LDB3: variants seen among roughly 807,000 people sequenced by gnomAD.
LDB3 encodes the protein LIM domain binding 3.
A neutral mutation model predicts 69.0 loss-of-function variants in LDB3; 49 were observed. The observed-to-expected ratio is 0.71, with a 90% CI of 0.56 to 0.90. The LOEUF is 0.90. Ranked by LOEUF, LDB3 falls within the 40% of genes least tolerant of loss-of-function variation. The probability of loss-of-function intolerance (pLI) is 0.00; values close to 1 mark genes in which losing one functional copy is unlikely to be tolerated. For missense variants in LDB3, 928 were observed against 974.1 expected, an observed-to-expected ratio of 0.95 and a Z score of 0.63; for synonymous variants, 387 against 396.2, an observed-to-expected ratio of 0.98 and a Z score of 0.28.
chr10:86,710,706 T>C (rs1846615522), intron 9 of LDB3, among the ~76,000 whole-genome samples: 1 of 152,226 alleles, frequency 6.6e-6, no homozygotes, highest in Admixed American at 6.5e-5. Flanking sequence ...GGAAGTTTTC[T>C]CTGCCGCTGG....
chr10:86,722,803 G>A (rs934216846), intron 12 of LDB3, among the ~76,000 whole-genome samples: 12 of 150,612 alleles, frequency 8.0e-5, no homozygotes, highest in African/African-American at 2.2e-4. Flanking sequence ...TCCTGACCTC[G>A]TGATCTACCT....
At chr10:86,709,670 C>G (rs1234249136) in intron 8 of LDB3, among the ~76,000 whole-genome samples, 1 of 152,212 alleles carries the variant, frequency 6.6e-6, no homozygotes, top group Non-Finnish European at 1.5e-5. Context: ...CCGGTGTCCT[C>G]CTGGTGGCTT....
chr10:86,692,153 A>T, intron 6 of LDB3, 88 bp downstream of exon 6: 1 of 1,470,984 alleles, frequency 6.8e-7, no homozygotes. Context: ...GAAGCCAGGG[A>T]GTCCTGCTAC....
intron 12 of LDB3, 62 bp downstream of exon 12, chr10:86,718,909 G>A: frequency 1.2e-6 from 2 of 1,604,868 alleles, no homozygotes; most frequent in Non-Finnish European, 1.7e-6. Flanking sequence ...GGCAGGCACA[G>A]GGAACTAACT....
At chr10:86,718,672 A>G (rs1846963940) in intron 11 of LDB3, 55 bp from the exon 12 acceptor site, 4 of 1,612,992 alleles carry the variant, frequency 2.5e-6, no homozygotes, top group African/African-American at 1.3e-5. Flanking sequence ...CTGGTGGGGT[A>G]GTCAAGCCCG....
chr10:86,723,425 C>T (rs148585893), intron 12 of LDB3, among the ~76,000 whole-genome samples: 5 of 152,144 alleles, frequency 3.3e-5, no homozygotes, highest in Non-Finnish European at 5.9e-5. Flanking sequence ...TGAAGGACAG[C>T]CTAGCACAAA....
chr10:86,717,313 A>T (rs1335385461), intron 10 of LDB3, among the ~76,000 whole-genome samples: 1 of 152,238 alleles, frequency 6.6e-6, no homozygotes, highest in Non-Finnish European at 1.5e-5. Context: ...ATATACGTGA[A>T]AAATACACTT....
At chr10:86,671,601 G>A (rs1036367601) in intron 2 of LDB3, among the ~76,000 whole-genome samples, 1 of 152,222 alleles carries the variant, frequency 6.6e-6, no homozygotes, top group African/African-American at 2.4e-5. Flanking sequence ...TCCAGGAAGT[G>A]GAGAAGGGGG....
At chr10:86,680,558 G>T (rs1845058952) in intron 4 of LDB3, among the ~76,000 whole-genome samples, 1 of 152,216 alleles carries the variant, frequency 6.6e-6, no homozygotes, top group African/African-American at 2.4e-5. Context: ...GGCCCAGCTT[G>T]ACGAGGACCT....
intron 5 of LDB3, among the ~76,000 whole-genome samples, chr10:86,685,341 G>A (rs1047126167): frequency 6.6e-5 from 10 of 152,186 alleles, no homozygotes; most frequent in African/African-American, 2.4e-4. Context: ...CCACTCTGGG[G>A]TCTATAGCCA....
chr10:86,720,386 G>A (rs1392015029), intron 12 of LDB3, among the ~76,000 whole-genome samples: 3 of 151,982 alleles, frequency 2.0e-5, no homozygotes, highest in Non-Finnish European at 4.4e-5. Flanking sequence ...AGAGGTTGCA[G>A]TGAGCTGAGA....
intron 6 of LDB3, 144 bp downstream of exon 6, chr10:86,692,209 C>A: frequency 1.0e-6 from 1 of 988,732 alleles, no homozygotes; most frequent in South Asian, 1.6e-5. Flanking sequence ...CAGTGGCTGG[C>A]AGGGCTCCTT....
At chr10:86,674,877 C>T (rs1188275489) in intron 2 of LDB3, among the ~76,000 whole-genome samples, 1 of 152,200 alleles carries the variant, frequency 6.6e-6, no homozygotes, top group Non-Finnish European at 1.5e-5. Context: ...CTCCAACCCA[C>T]CCAGGCAGGC....
intron 4 of LDB3, 132 bp downstream of exon 4, chr10:86,680,289 C>T: frequency 1.3e-6 from 1 of 783,154 alleles, no homozygotes; most frequent in Non-Finnish European, 2.2e-6. Flanking sequence ...CATCCCTGCC[C>T]CTGCTGCAGC....
In LDB3 at chr10:86,699,890, A is replaced by G. The variant is rs1846185933; in HGVS notation, c.897-6641A>G. ...CCGGAATAGGGCTCTTTGAAGAGGA[A>G]GTAGAAGCCCCAGGGTAATGAGGCA... is the stretch of plus-strand genomic sequence containing the variant. On this transcript the variant is annotated intron_variant, in intron 7 of 13. Coordinates refer to ENST00000361373, the MANE Select transcript of LDB3 (RefSeq NM_007078.3). The surrounding 1 kb of genome is among the most constrained non-coding windows in gnomAD (Gnocchi z 4.9). 1 of 1,010,928 alleles carries G rather than the reference A, an allele frequency of 9.9e-7. No individual in the cohort carries two copies. Among genetic ancestry groups the G allele is most frequent in the Non-Finnish European group, 1.2e-6 (1 of 844,392 alleles). 62.6% of individuals were successfully genotyped at this position (1,010,928 alleles called of 1,614,324 possible). A position where few individuals can be genotyped will look rare whatever the true frequency, so the allele number is the denominator to read the frequency against.
At chr10:86,730,751 C>G (rs1001645541) in intron 13 of LDB3, among the ~76,000 whole-genome samples, 1 of 152,220 alleles carries the variant, frequency 6.6e-6, no homozygotes, top group African/African-American at 2.4e-5. Context: ...TATAGAGTGT[C>G]TGGCATCCTG....
chr10:86,713,960 G>T (rs1273112838), intron 9 of LDB3, among the ~76,000 whole-genome samples: 1 of 152,118 alleles, frequency 6.6e-6, no homozygotes, highest in Non-Finnish European at 1.5e-5. Flanking sequence ...GTCTAACTGG[G>T]CTGGGCTTCC....
intron 13 of LDB3, among the ~76,000 whole-genome samples, chr10:86,731,007 T>G (rs1407215363): frequency 6.6e-6 from 1 of 151,344 alleles, no homozygotes; most frequent in African/African-American, 2.4e-5. Context: ...CAAAAAAAAT[T>G]AGCTGAGTAT....
chr10:86,699,730 G>A lies in LDB3; in HGVS notation c.897-6801G>A. 8.8e-7 allele frequency: 1 copy of A among 1,138,072 alleles called. No homozygotes were observed. The highest frequency in any genetic ancestry group is 2.2e-5 in the South Asian group (1 of 44,542). The allele number at this position is 1,138,072 out of a possible 1,614,324, so 70.5% of individuals were successfully genotyped here. On this transcript the variant is annotated intron_variant, in intron 7 of 13. Transcript: ENST00000361373. The surrounding 1 kb of genome is among the most constrained non-coding windows in gnomAD (Gnocchi z 4.9). ...AACCAAGGGAAATGGATGGGCCGCT[G>A]CTCAGTTTCCCACCATCCTCAGCTC...
Sources: allele counts gnomAD v4.1 joint callset (sites outside exome capture counted in the v4.1 genomes callset), GRCh38; gene constraint gnomAD v4.1.1; non-coding constraint Gnocchi (gnomAD v3.1); transcripts MANE v1.5; gene names NCBI Gene and HGNC (gene_info 2026-07-23, HGNC 2026-07-21).